Variants in BICC1 observed in about 807,000 individuals in gnomAD.
BICC1 encodes BicC family RNA binding protein 1.
Under a neutral mutation model 111.0 loss-of-function variants are expected in BICC1, and 43 were observed. The observed-to-expected ratio is 0.39, with a 90% confidence interval of 0.30 to 0.50. The LOEUF is 0.50. BICC1 is among the 20% of genes least tolerant of loss of function. The pLI is 0.88. For missense variants in BICC1, 1,091 were observed against 1,203.2 expected (o/e 0.91, Z 1.38); for synonymous variants, 467 against 434.4 (o/e 1.07, Z -0.93).
chr10:58,573,571 G>GTT (rs1844024554), intron 1 of BICC1, among the ~76,000 whole-genome samples: 1 of 152,096 alleles, frequency 6.6e-6, no homozygotes. Flanking sequence ...GGGCTGTAGG[G>GTT]TTTCTCTTCA....
intron 2 of BICC1, among the ~76,000 whole-genome samples, chr10:58,656,556 A>G (rs995994518): frequency 4.6e-4 from 70 of 151,152 alleles, no homozygotes; most frequent in Non-Finnish European, 6.8e-4. Flanking sequence ...TACGCAAATC[A>G]ATAAATGTAA....
intron 1 of BICC1, among the ~76,000 whole-genome samples, chr10:58,587,348 T>C (rs1204714919): frequency 6.6e-6 from 1 of 152,156 alleles, no homozygotes; most frequent in East Asian, 1.9e-4. Flanking sequence ...CTATAGCAAA[T>C]TTACATTACA....
intron 1 of BICC1, among the ~76,000 whole-genome samples, chr10:58,523,913 GACAA>G (rs1371696922): frequency 6.6e-6 from 1 of 151,930 alleles, no homozygotes; most frequent in African/African-American, 2.4e-5. Flanking sequence ...ACCAATAACA[GACAA>G]ACAGCCACAT....
chr10:58,653,953 T>C (rs1838539644), intron 2 of BICC1, among the ~76,000 whole-genome samples: 1 of 151,464 alleles, frequency 6.6e-6, no homozygotes, highest in Non-Finnish European at 1.5e-5. Context: ...GTTCTTGTGA[T>C]AGTTTATTGA....
At chr10:58,594,235 T>G (rs1239899559) in intron 1 of BICC1, among the ~76,000 whole-genome samples, 2 of 152,090 alleles carry the variant, frequency 1.3e-5, no homozygotes, top group Non-Finnish European at 2.9e-5. Context: ...GTGAAAAGAC[T>G]AAATCTACAT....
At chr10:58,602,311 T>G (rs978272279) in intron 1 of BICC1, among the ~76,000 whole-genome samples, 4 of 152,162 alleles carry the variant, frequency 2.6e-5, no homozygotes, top group Admixed American at 6.5e-5. Context: ...GACCAATGTG[T>G]TTGCATCATA....
chr10:58,533,364 A>C (rs984942035), intron 1 of BICC1, among the ~76,000 whole-genome samples: 5 of 151,940 alleles, frequency 3.3e-5, no homozygotes, highest in African/African-American at 1.2e-4. Flanking sequence ...CTGCATTGAC[A>C]TGGCTAAGTT....
intron 3 of BICC1, among the ~76,000 whole-genome samples, chr10:58,748,269 G>A (rs1172260084): frequency 6.6e-6 from 1 of 152,040 alleles, no homozygotes; most frequent in Non-Finnish European, 1.5e-5. Flanking sequence ...CAGAATTTTT[G>A]CCTTCATGGA....
chr10:58,620,760 C>A, intron 1 of BICC1, 95 bp from the exon 2 acceptor site: 1 of 1,170,864 alleles, frequency 8.5e-7, no homozygotes, highest in Non-Finnish European at 1.2e-6. Flanking sequence ...AGGCTGGCAT[C>A]TTGTTTGCTT....
chr10:58,806,781 G>T (rs1021621596), intron 16 of BICC1, among the ~76,000 whole-genome samples, 158 bp downstream of exon 16: 2 of 152,032 alleles, frequency 1.3e-5, no homozygotes, highest in African/African-American at 4.8e-5. Context: ...ATATTTTGTT[G>T]AATGGTTTAG....
rs1464928653 is a variant in BICC1, at chr10:58,769,398, G to GTATATATA, written c.308-15602_308-15601insATATATAT. On this transcript the variant is annotated intron_variant, in intron 3 of 20. Coordinates refer to ENST00000373886, the MANE Select transcript of BICC1 (RefSeq NM_001080512.3). ...TGTATGTGTGTGTGTGTGTGTGTGT[G>GTATATATA]TGTGTGTATATATATATATATATAT... is the stretch of plus-strand genomic sequence containing the variant. 7.9e-5 allele frequency among the ~76,000 whole-genome samples: 8 copies of GTATATATA among 101,640 alleles called. No homozygotes were observed. In the Middle Eastern group the frequency reaches 0.018, roughly 224 times the overall value. The allele number at this position is 101,640 out of a possible 152,430, so 66.7% of individuals were successfully genotyped here.
At chr10:58,828,632 T>C (rs1844466372) in intron 20 of BICC1, 129 bp from the exon 21 acceptor site, 5 of 938,668 alleles carry the variant, frequency 5.3e-6, no homozygotes, top group Non-Finnish European at 7.7e-6. Flanking sequence ...AAAGTTTTCC[T>C]TTTGATACCA....
rs1165298575 is a variant in BICC1 at position 58,796,264 on chromosome 10, C to T, written c.1180-76C>T. 3.5e-5 allele frequency: 45 copies of T among 1,273,036 alleles called. No individual in the cohort carries two copies. The South Asian group carries it at 3.9e-4, about 11-fold the overall frequency. 78.9% of individuals were successfully genotyped at this position (1,273,036 alleles called of 1,614,324 possible). On this transcript the variant is annotated intron_variant, in intron 9 of 20. Transcript: ENST00000373886. ...GAATTCTTATTAGCGTATTCATTTT[C>T]CACCTCCCTCCCCTCCCCCATTCAT...
chr10:58,824,195 C>G, intron 20 of BICC1: 2 of 651,398 alleles, frequency 3.1e-6, no homozygotes, highest in Non-Finnish European at 3.8e-6. Flanking sequence ...GGGCATTGAC[C>G]TTTCCATCAA....
intron 3 of BICC1, among the ~76,000 whole-genome samples, chr10:58,765,553 T>C (rs1842433617): frequency 6.6e-6 from 1 of 152,170 alleles, no homozygotes; most frequent in Non-Finnish European, 1.5e-5. Flanking sequence ...ATTAATAAGG[T>C]TGTACGTGAT....
intron 2 of BICC1, among the ~76,000 whole-genome samples, chr10:58,639,302 G>A (rs1471989050): frequency 7.9e-5 from 12 of 151,982 alleles, no homozygotes; most frequent in Non-Finnish European, 1.5e-5. Context: ...TGAGATTTAT[G>A]TAGCACTTTT....
At chr10:58,546,675 A>G (rs997342687) in intron 1 of BICC1, among the ~76,000 whole-genome samples, 3 of 152,092 alleles carry the variant, frequency 2.0e-5, no homozygotes, top group Non-Finnish European at 2.9e-5. Flanking sequence ...CCAGGTCCAA[A>G]TGACACCCAC....
chr10:58,557,562 C>T (rs567412983), intron 1 of BICC1, among the ~76,000 whole-genome samples: 27 of 152,094 alleles, frequency 1.8e-4, no homozygotes, highest in African/African-American at 6.5e-4. Context: ...TTTTAAAAAT[C>T]ACCATTTAAC....
At chr10:58,813,016 A>G (rs756715039) in intron 17 of BICC1, among the ~76,000 whole-genome samples, 1 of 152,112 alleles carries the variant, frequency 6.6e-6, no homozygotes, top group African/African-American at 2.4e-5. Flanking sequence ...AGGATGCCCT[A>G]AAGAAAGAAA....
Sources: allele counts gnomAD v4.1 joint callset (sites outside exome capture counted in the v4.1 genomes callset), GRCh38; gene constraint gnomAD v4.1.1; transcripts MANE v1.5; gene names NCBI Gene and HGNC (gene_info 2026-07-23, HGNC 2026-07-21).